SPHKAP: variants seen among roughly 807,000 people sequenced by gnomAD.
SPHKAP encodes A-kinase anchor protein SPHKAP.
A neutral mutation model predicts 137.5 loss-of-function variants in SPHKAP; 67 were observed. The ratio of observed to expected loss-of-function variants is 0.49; its 90% CI spans 0.40 to 0.60. The LOEUF (loss-of-function observed/expected upper bound fraction) is 0.60. SPHKAP is among the 20% of genes least tolerant of loss of function. SPHKAP has a pLI of 0.00. For synonymous variants in SPHKAP, 813 were observed against 785.3 expected, an observed-to-expected ratio of 1.04 and a Z score of -0.59; for missense variants, 2,097 against 2,069.3, an observed-to-expected ratio of 1.01 and a Z score of -0.26.
chr2:228,051,554 A>C (rs527409464), intron 3 of SPHKAP, among the ~76,000 whole-genome samples: 85 of 152,138 alleles, frequency 5.6e-4, no homozygotes, highest in Non-Finnish European at 9.7e-4. Context: ...GAACACCCAG[A>C]TCCAGAAACG....
At chr2:228,080,349 A>G (rs557980088) in intron 3 of SPHKAP, among the ~76,000 whole-genome samples, 29 of 152,346 alleles carry the variant, frequency 1.9e-4, no homozygotes, top group African/African-American at 7.0e-4. Context: ...AAGACATACA[A>G]ATGGACAACA....
chr2:228,006,771 A>C (rs1694156195), intron 7 of SPHKAP, among the ~76,000 whole-genome samples: 1 of 152,146 alleles, frequency 6.6e-6, no homozygotes, highest in Non-Finnish European at 1.5e-5. Flanking sequence ...CAGGACCCTC[A>C]GCTGCAGGTC....
Position 228,018,464 on chromosome 2 carries a change from T to A in SPHKAP, c.2390A>T (p.Lys797Met), listed in dbSNP as rs1441960942. 1 of 1,614,088 alleles carries A rather than the reference T, an allele frequency of 6.2e-7. No individual in the cohort carries two copies. The highest frequency in any genetic ancestry group is 1.7e-5 in the Admixed American group (1 of 60,006). Residue 797 changes from lysine (K) to methionine (M), a missense_variant, in exon 7 of 12, where the codon AAG becomes ATG. Transcript: ENST00000392056. ...GAAGAGGCCTGGCCTCACTCCACCC[T>A]TGTCTTGTTTTGAATACATGCCATC... ...LVDGMYSKQD[K>M]GGVRPGLFKN...
chr2:228,027,573 A>G, intron 3 of SPHKAP, 30 bp from the exon 4 acceptor site: 1 of 1,609,436 alleles, frequency 6.2e-7, no homozygotes, highest in Non-Finnish European at 8.5e-7. Flanking sequence ...ATAGTACGTT[A>G]AAGTCAAAAA....
At chr2:228,141,838 G>T (rs868124592) in intron 1 of SPHKAP, among the ~76,000 whole-genome samples, 60 of 152,150 alleles carry the variant, frequency 3.9e-4, no homozygotes, top group African/African-American at 1.4e-3. Flanking sequence ...CCAGAGAAAA[G>T]TAGTGGTATT....
chr2:228,078,927 C>T (rs940960728), intron 3 of SPHKAP, among the ~76,000 whole-genome samples: 1 of 152,122 alleles, frequency 6.6e-6, no homozygotes, highest in Admixed American at 6.5e-5. Flanking sequence ...CTCCAGGCAC[C>T]CTCCAGAACC....
chr2:227,995,445 A>G, intron 8 of SPHKAP, 64 bp downstream of exon 8: 1 of 1,592,206 alleles, frequency 6.3e-7, no homozygotes, highest in Non-Finnish European at 8.6e-7. Flanking sequence ...AGAACCATTA[A>G]AATGCATTTT....
intron 11 of SPHKAP, among the ~76,000 whole-genome samples, chr2:227,985,659 A>C (rs1041868772): frequency 1.3e-5 from 2 of 152,210 alleles, no homozygotes; most frequent in African/African-American, 4.8e-5. Flanking sequence ...CTTTGAGCAA[A>C]TATTTTGTCT....
intron 1 of SPHKAP, among the ~76,000 whole-genome samples, chr2:228,157,289 C>A (rs1700134305): frequency 6.6e-6 from 1 of 152,122 alleles, no homozygotes; most frequent in South Asian, 2.1e-4. Flanking sequence ...CACAGTAGGT[C>A]ATAGAATATG....
chr2:228,075,331 C>A (rs1422576590), intron 3 of SPHKAP, among the ~76,000 whole-genome samples: 1 of 152,104 alleles, frequency 6.6e-6, no homozygotes, highest in Non-Finnish European at 1.5e-5. Flanking sequence ...TGCACCTGCC[C>A]TTGTTAACTT....
chr2:228,099,257 C>A (rs1698108538), intron 3 of SPHKAP, among the ~76,000 whole-genome samples: 1 of 152,142 alleles, frequency 6.6e-6, no homozygotes, highest in African/African-American at 2.4e-5. Flanking sequence ...TATGGCTAGT[C>A]AGTTACCCTG....
In SPHKAP at chr2:228,021,843, G is replaced by C; in HGVS notation, c.565C>G (p.Gln189Glu). 6.2e-7 allele frequency: 1 copy of C among 1,614,148 alleles called. No homozygotes were observed. The highest frequency in any genetic ancestry group is 8.5e-7 in the Non-Finnish European group (1 of 1,180,010). Reference protein sequence around the residue: ...LIGLELVQERQLHLETNILKL... With the variant: ...LIGLELVQERELHLETNILKL... The stretch of plus-strand genomic sequence containing the variant: ...AAGATGTTTGTTTCCAGGTGGAGCT[G>C]TCGCTCCTGCACCAGTTCCAGACCA... Residue 189 changes from glutamine (Q) to glutamate (E), a missense_variant, in exon 6 of 12, where the codon CAG (glutamine) becomes GAG (glutamate). Gln to Glu is a conservative substitution (Grantham distance 29). Coordinates refer to ENST00000392056, the MANE Select transcript of SPHKAP (RefSeq NM_001142644.2).
rs140566225 is a variant in SPHKAP at position 228,173,386 on chromosome 2, C to A, written c.32+8181G>T. ...GTGACATTGTATGACAAAGCAAAAT[C>A]AAGGTTCAAGATGGAATTAAGTTTA... On this transcript the variant is annotated intron_variant, in intron 1 of 11. Coordinates refer to ENST00000392056, the MANE Select transcript of SPHKAP (RefSeq NM_001142644.2). Among the ~76,000 whole-genome samples, 169 of 152,196 alleles carry A rather than the reference C, an allele frequency of 1.1e-3. 1 individual carries two copies. The highest frequency in any genetic ancestry group is 3.7e-3 in the Admixed American group (56 of 15,272).
intron 3 of SPHKAP, among the ~76,000 whole-genome samples, chr2:228,102,751 T>C (rs994714573): frequency 2.6e-5 from 4 of 152,142 alleles, no homozygotes; most frequent in Admixed American, 1.3e-4. Flanking sequence ...TTTTGTTGTT[T>C]GTTTGTTTTG....
intron 3 of SPHKAP, among the ~76,000 whole-genome samples, chr2:228,039,256 T>C (rs940839983): frequency 6.6e-6 from 1 of 152,234 alleles, no homozygotes; most frequent in Non-Finnish European, 1.5e-5. Flanking sequence ...GCTAATCTTG[T>C]GGTTGTACTC....
chr2:228,037,635 C>T lies in SPHKAP; in HGVS notation c.247-10092G>A, dbSNP rs1300319061. On this transcript the variant is annotated intron_variant, in intron 3 of 11. Transcript: ENST00000392056. ...CCTCAATTTCCCTTAAGCCAGAGCC[C>T]AATAACACCTGTGGTCACTCCAATG... is the stretch of plus-strand genomic sequence containing the variant. Among the ~76,000 whole-genome samples the T allele has an allele frequency of 2.0e-5, 3 of 148,132 alleles. No homozygotes were observed. In the Admixed American group the frequency reaches 2.0e-4, roughly 10 times the overall value.
intron 1 of SPHKAP, among the ~76,000 whole-genome samples, chr2:228,144,037 G>A (rs1315420802): frequency 6.6e-6 from 1 of 152,000 alleles, no homozygotes; most frequent in African/African-American, 2.4e-5. Flanking sequence ...TTCCCTAACT[G>A]TTGCCTCTGC....
In SPHKAP at chr2:228,121,246, C is replaced by T. The variant is rs553451988; in HGVS notation, c.138+10734G>A. On this transcript the variant is annotated intron_variant, in intron 2 of 11. Transcript: ENST00000392056. The stretch of plus-strand genomic sequence containing the variant: ...GTGATATGGCTGGCTGCAGTGACTC[C>T]GGCCTGTAATCTCAGCACTTTGAGA... Among the ~76,000 whole-genome samples the T allele has an allele frequency of 6.0e-4, 91 of 152,208 alleles. 1 individual carries two copies. In the South Asian group the frequency reaches 0.018, roughly 30 times the overall value.
At chr2:228,164,862 T>C (rs779469089) in intron 1 of SPHKAP, among the ~76,000 whole-genome samples, 1 of 152,218 alleles carries the variant, frequency 6.6e-6, no homozygotes, top group Non-Finnish European at 1.5e-5. Flanking sequence ...TTAAGTCTTG[T>C]TCATTGTCAT....
Sources: allele counts gnomAD v4.1 joint callset (sites outside exome capture counted in the v4.1 genomes callset), GRCh38; gene constraint gnomAD v4.1.1; transcripts MANE v1.5; gene names NCBI Gene and HGNC (gene_info 2026-07-23, HGNC 2026-07-21).